PPP2R1B: variants seen among roughly 807,000 people sequenced by gnomAD.
The protein encoded by PPP2R1B is protein phosphatase 2 scaffold subunit Abeta, also known as serine/threonine-protein phosphatase 2A 65 kDa regulatory subunit A beta isoform.
In PPP2R1B, 58 loss-of-function variants were observed where a neutral mutation model predicts 72.7. The ratio of observed to expected loss-of-function variants is 0.80; its 90% confidence interval spans 0.65 to 0.99. PPP2R1B has a LOEUF of 0.99. Ranked by LOEUF, PPP2R1B falls within the 50% of genes least tolerant of loss-of-function variation. The probability of loss-of-function intolerance (pLI) is 0.00; values close to 1 mark genes in which losing one functional copy is unlikely to be tolerated. For synonymous variants in PPP2R1B, 256 were observed against 264.6 expected (o/e 0.97, Z 0.32); for missense variants, 695 against 733.6 (o/e 0.95, Z 0.61).
chr11:111,764,815 T>C lies in PPP2R1B; in HGVS notation c.296A>G (p.His99Arg). The change falls in exon 3 of 15, where the codon CAC becomes CGC. Residue 99 changes from histidine to arginine, a missense_variant. Transcript: ENST00000527614. ...CTTATAAATACTCACCAGCAGACAG[T>C]GGGCAAAGTCAGGACCTCCCACTAG... ...TGLVGGPDFA[H>R]CLLPPLENLA... The C allele has an allele frequency of 1.9e-6, 3 of 1,614,022 alleles. No homozygotes were observed. The highest frequency in any genetic ancestry group is 2.5e-6 in the Non-Finnish European group (3 of 1,179,980).
chr11:111,725,897 G>A (rs1013933693), downstream of PPP2R1B: 5 of 152,444 alleles, frequency 3.3e-5, no homozygotes, highest in Admixed American at 3.3e-4. Context: ...CTTGGTGTCA[G>A]TGGGAAAGGG....
the PPP2R1B span, chr11:111,720,998 A>G: frequency 1.2e-6 from 2 of 1,614,100 alleles, no homozygotes; most frequent in African/African-American, 1.3e-5. Context: ...ATAGGACCGG[A>G]GGCAGACCCT....
chr11:111,752,292 C>A lies in PPP2R1B; in HGVS notation c.1205G>T (p.Cys402Phe). The change falls in exon 10 of 15, where the codon TGT becomes TTT. Residue 402 changes from cysteine (C) to phenylalanine (F), a missense_variant. Physicochemically the swap from Cys to Phe is radical, Grantham distance 205. Coordinates refer to ENST00000527614, the MANE Select transcript of PPP2R1B (RefSeq NM_002716.5). ...ACGGATTCCAATCACTTCATTTACA[C>A]AATCCAAATTGGAGATGATATTCAA... ...VRLNIISNLD[C>F]VNEVIGIRQL... The A allele has an allele frequency of 3.7e-6, 6 of 1,613,616 alleles. No individual in the cohort carries two copies. The highest frequency in any genetic ancestry group is 1.1e-5 in the South Asian group (1 of 91,020).
chr11:111,699,363 G>A, the PPP2R1B span, among the ~76,000 whole-genome samples: 1 of 152,130 alleles, frequency 6.6e-6, no homozygotes, highest in Non-Finnish European at 1.5e-5. Context: ...TTCTCTGAAA[G>A]GCAACAGTTG....
At chr11:111,742,754 T>C (rs879559230) in intron 12 of PPP2R1B, 89 bp from the exon 13 acceptor site, 23 of 1,233,314 alleles carry the variant, frequency 1.9e-5, no homozygotes, top group African/African-American at 1.7e-4. Flanking sequence ...AAGAAAATAA[T>C]TGACCAATAG....
the PPP2R1B span, chr11:111,720,029 T>A: frequency 6.3e-7 from 1 of 1,592,758 alleles, no homozygotes; most frequent in Non-Finnish European, 8.6e-7. Context: ...GACACTAGCT[T>A]GAGTCTTCAT....
chr11:111,726,139 A>G (rs1294393700), downstream of PPP2R1B: 2 of 152,216 alleles, frequency 1.3e-5, no homozygotes, highest in Non-Finnish European at 2.9e-5. Flanking sequence ...TTTAGACTGA[A>G]GGAAGACGTT....
At chr11:111,753,330 A>G (rs1944981212) in intron 9 of PPP2R1B, 113 bp downstream of exon 9, 1 of 1,376,378 alleles carries the variant, frequency 7.3e-7, no homozygotes, top group African/African-American at 1.5e-5. Context: ...AAAATAAGTT[A>G]TGATTTTTTT....
chr11:111,715,597 C>G, the PPP2R1B span, among the ~76,000 whole-genome samples: 1 of 152,086 alleles, frequency 6.6e-6, no homozygotes, highest in Non-Finnish European at 1.5e-5. Context: ...TATTGCCTTT[C>G]TGAGATAGTT....
Position 111,742,575 on chromosome 11 carries a change from G to A in PPP2R1B, c.1645C>T (p.Arg549Cys), listed in dbSNP as rs566998075. Residue 549 changes from arginine to cysteine, a missense_variant, in exon 13 of 15, where the codon CGC becomes TGC. Transcript: ENST00000527614. ...KMAGDQVANVRFNVAKSLQKI... is the reference protein window; with the variant it reads ...KMAGDQVANVCFNVAKSLQKI... ...TGTAGAGATTTGGCCACATTGAAGC[G>A]AACATTTGCTACTTGGTCTCCTGCC... The A allele has an allele frequency of 1.7e-4, 269 of 1,613,848 alleles. 1 individual carries two copies. In the Middle Eastern group the frequency reaches 9.1e-3, roughly 54 times the overall value.
chr11:111,694,430 G>A, the PPP2R1B span, among the ~76,000 whole-genome samples: 12 of 152,190 alleles, frequency 7.9e-5, no homozygotes, highest in South Asian at 2.5e-3. Context: ...TTTAGCCCAA[G>A]AGGAATGCTT....
chr11:111,688,004 A>C, the PPP2R1B span: 1 of 1,613,950 alleles, frequency 6.2e-7, no homozygotes, highest in Non-Finnish European at 8.5e-7. This position sits in a 1 kb window ranked among gnomAD's most constrained non-coding sequence, Gnocchi z 4.2. Flanking sequence ...TTTACAGACT[A>C]TCTTGCTAAT....
Position 111,743,369 on chromosome 11 carries a change from T to C in PPP2R1B, c.1554+7A>G, listed in dbSNP as rs552991330. 6 of 1,599,066 alleles carry C rather than the reference T, an allele frequency of 3.8e-6. No individual in the cohort carries two copies. Among genetic ancestry groups the C allele is most frequent in the African/African-American group, 1.3e-5 (1 of 74,458 alleles). Reference sequence around the variant, plus strand: ...AAGCTTAGCAATAACAGTTATGTTATACTTACATTAATGCAGAATAAAGTG... The same window carrying C: ...AAGCTTAGCAATAACAGTTATGTTACACTTACATTAATGCAGAATAAAGTG... On this transcript the variant is annotated splice_region_variant and intron_variant, in intron 12 of 14. Transcript: ENST00000527614.
downstream of PPP2R1B, chr11:111,735,185 G>C (rs1223758953): frequency 1.3e-5 from 2 of 152,410 alleles, no homozygotes; most frequent in African/African-American, 2.4e-5. Context: ...AGGACAGACT[G>C]TGTGCAGAGA....
Sources: allele counts gnomAD v4.1 joint callset (sites outside exome capture counted in the v4.1 genomes callset), GRCh38; gene constraint gnomAD v4.1.1; non-coding constraint Gnocchi (gnomAD v3.1); transcripts MANE v1.5; gene names NCBI Gene and HGNC (gene_info 2026-07-23, HGNC 2026-07-21).